The following ZNF555 variants were observed in gnomAD, a reference collection of about 807,000 sequenced individuals.
The protein encoded by ZNF555 is zinc finger protein 555.
In ZNF555, 10 loss-of-function variants were observed where a neutral mutation model predicts 14.0. That is an observed-to-expected ratio of 0.72 (90% CI 0.44 to 1.21). The LOEUF is 1.21. Among genes scored for constraint, ZNF555 ranks in the 50% most tolerant of loss-of-function variants. The probability of loss-of-function intolerance (pLI) is 0.00; values close to 1 mark genes in which losing one functional copy is unlikely to be tolerated. For synonymous variants in ZNF555, 277 were observed against 262.4 expected (o/e 1.06, Z -0.54); for missense variants, 747 against 762.0 (o/e 0.98, Z 0.23).
At chr19:2,846,981 A>G (rs901003074) in intron 1 of ZNF555, among the ~76,000 whole-genome samples, 26 of 152,278 alleles carry the variant, frequency 1.7e-4, no homozygotes, top group Non-Finnish European at 2.9e-4. Flanking sequence ...TGAACCTCCA[A>G]TAGGAAAAAT....
At position 2,841,489 on chromosome 19, in the gene ZNF555, TGCCCCGCCTGCCCCTA is replaced by T; in HGVS notation, c.-81_-66del. 1 of 1,540,452 alleles carries T rather than the reference TGCCCCGCCTGCCCCTA, an allele frequency of 6.5e-7. No homozygotes were observed. The highest frequency in any genetic ancestry group is 8.8e-7 in the Non-Finnish European group (1 of 1,141,034). ...GGGACGCCTCTGTCCTAGCCGTGAGTGCCCCGCCTGCCCCTAGCGGTCCCTGGCGTCCCGGTTCCTG... is the reference window on the plus strand; with the variant it reads ...GGGACGCCTCTGTCCTAGCCGTGAGTGCGGTCCCTGGCGTCCCGGTTCCTG... On this transcript the variant is annotated 5_prime_UTR_variant, in exon 1 of 4. Transcript: ENST00000334241.
rs2087662888 is a variant in ZNF555 at position 2,853,973 on chromosome 19, A to G, written c.*21A>G. ...TATGAGTTCCTTATCCTGAAAGTGG[A>G]CACTCAAGGAGTGTGTCTGTAGTTC... On this transcript the variant is annotated 3_prime_UTR_variant, in exon 4 of 4. Coordinates refer to ENST00000334241, the MANE Select transcript of ZNF555 (RefSeq NM_152791.5). 6.2e-7 allele frequency: 1 copy of G among 1,612,494 alleles called. No individual in the cohort carries two copies. The highest frequency in any genetic ancestry group is 8.5e-7 in the Non-Finnish European group (1 of 1,179,834).
rs2087669371 is a variant in ZNF555 at position 2,854,738 on chromosome 19, A to G, written c.*786A>G. 6.6e-6 allele frequency: 1 copy of G among 152,210 alleles called. No homozygotes were observed. The highest frequency in any genetic ancestry group is 6.5e-5 in the Admixed American group (1 of 15,274). The allele number at this position is 152,210 out of a possible 1,614,324, so 9.4% of individuals were successfully genotyped here. ...AGAGTACCATCAAAAGAAACACTTAAGTGCTTGATTTCCACTGTGTCAGAG... is the reference window on the plus strand; with the variant it reads ...AGAGTACCATCAAAAGAAACACTTAGGTGCTTGATTTCCACTGTGTCAGAG... On this transcript the variant is annotated 3_prime_UTR_variant, in exon 4 of 4. Coordinates refer to ENST00000334241, the MANE Select transcript of ZNF555 (RefSeq NM_152791.5).
At chr19:2,851,417 T>C (rs753744024) in intron 2 of ZNF555, 51 bp from the exon 3 acceptor site, 7 of 1,486,416 alleles carry the variant, frequency 4.7e-6, no homozygotes, top group Admixed American at 2.4e-5. Flanking sequence ...TCAGTGTCGT[T>C]TTCCGCTAAC....
chr19:2,849,450 C>G (rs2087609387), intron 1 of ZNF555, among the ~76,000 whole-genome samples: 2 of 149,618 alleles, frequency 1.3e-5, no homozygotes, highest in African/African-American at 4.9e-5. Flanking sequence ...CAAAGTGGGA[C>G]TCTTAACTTT....
intron 3 of ZNF555, 107 bp from the exon 4 acceptor site, chr19:2,852,273 G>C: frequency 1.5e-6 from 2 of 1,376,252 alleles, no homozygotes; most frequent in Non-Finnish European, 2.0e-6. Flanking sequence ...TTCCCATGGG[G>C]TGAAAAACCT....
In ZNF555 at chr19:2,856,964, G is replaced by A. The variant is rs186112467; in HGVS notation, c.*3012G>A. On this transcript the variant is annotated 3_prime_UTR_variant, in exon 4 of 4. Transcript: ENST00000334241. Reference sequence around the variant, plus strand: ...GAAGACATGTTTGACATCCTCAAACGAGAAAATTTTTCATGTGTTTTATAG... The same window carrying A: ...GAAGACATGTTTGACATCCTCAAACAAGAAAATTTTTCATGTGTTTTATAG... 9.2e-5 allele frequency: 14 copies of A among 152,320 alleles called. No homozygotes were observed. The highest frequency in any genetic ancestry group is 1.9e-4 in the African/African-American group (8 of 41,580). 9.4% of individuals were successfully genotyped at this position (152,320 alleles called of 1,614,324 possible).
In ZNF555 at chr19:2,853,210, C is replaced by T. The variant is rs1298310593; in HGVS notation, c.1145C>T (p.Ser382Phe). 2 of 1,613,974 alleles carry T rather than the reference C, an allele frequency of 1.2e-6. No individual in the cohort carries two copies. Among genetic ancestry groups the T allele is most frequent in the South Asian group, 1.1e-5 (1 of 91,068 alleles). Residue 382 changes from serine to phenylalanine, a missense_variant, in exon 4 of 4, where the codon TCC becomes TTC. Physicochemically the swap from Ser to Phe is radical, Grantham distance 155. Transcript: ENST00000334241. ...GGGAAGACCTTCATTTATCCCCAGT[C>T]CTTTCGAAGACATGAAAGGACTCAT... ...QCGKTFIYPQ[S>F]FRRHERTHGG...
In ZNF555 at chr19:2,855,411, C is replaced by G. The variant is rs2087675115; in HGVS notation, c.*1459C>G. Reference sequence around the variant, plus strand: ...ACTAAAAACACAAAAATTAGCCAGGCATGGTGGTGAGTACCTGTAACCCCA... The same window carrying G: ...ACTAAAAACACAAAAATTAGCCAGGGATGGTGGTGAGTACCTGTAACCCCA... On this transcript the variant is annotated 3_prime_UTR_variant, in exon 4 of 4. Transcript: ENST00000334241. 1 of 151,978 alleles carries G rather than the reference C, an allele frequency of 6.6e-6. No homozygotes were observed. The highest frequency in any genetic ancestry group is 6.6e-5 in the Admixed American group (1 of 15,238). 9.4% of individuals were successfully genotyped at this position (151,978 alleles called of 1,614,324 possible). A position where few individuals can be genotyped will look rare whatever the true frequency, so the allele number is the denominator to read the frequency against.
At chr19:2,847,668 A>G (rs536328784) in intron 1 of ZNF555, among the ~76,000 whole-genome samples, 61 of 152,338 alleles carry the variant, frequency 4.0e-4, no homozygotes, top group African/African-American at 1.5e-3. Context: ...AAAATAAAAA[A>G]TAAAGACACT....
chr19:2,850,670 C>G lies in ZNF555; in HGVS notation c.87C>G (p.Tyr29Ter). ...TGGATTCTGCTCAGAGGGACCTCTACAGAGATGTGATGCTGGAGACCTTTC... is the reference window on the plus strand; with the variant it reads ...TGGATTCTGCTCAGAGGGACCTCTAGAGAGATGTGATGCTGGAGACCTTTC... ...ALLDSAQRDL[Y>*]RDVMLETFQN... The change falls in exon 2 of 4, where the codon TAC becomes TAG. Residue 29 changes from tyrosine to a stop codon, truncating the protein, a stop_gained. Transcript: ENST00000334241. LOFTEE classifies it high-confidence loss of function. 1 of 1,613,986 alleles carries G rather than the reference C, an allele frequency of 6.2e-7. No homozygotes were observed. The highest frequency in any genetic ancestry group is 8.5e-7 in the Non-Finnish European group (1 of 1,179,898).
In ZNF555 at chr19:2,854,362, G is replaced by T. The variant is rs45592538; in HGVS notation, c.*410G>T. Reference sequence around the variant, plus strand: ...TTGTTTAAGGAGTATAGCCTCAAATGAATTGTAATTTTTAATGTTTGCCCA... The same window carrying T: ...TTGTTTAAGGAGTATAGCCTCAAATTAATTGTAATTTTTAATGTTTGCCCA... On this transcript the variant is annotated 3_prime_UTR_variant, in exon 4 of 4. Transcript: ENST00000334241. 137 of 182,216 alleles carry T rather than the reference G, an allele frequency of 7.5e-4. No individual in the cohort carries two copies. Among genetic ancestry groups the T allele is most frequent in the Non-Finnish European group, 1.4e-3 (120 of 86,310 alleles). The allele number at this position is 182,216 out of a possible 1,614,324, so 11.3% of individuals were successfully genotyped here.
rs756649263 is a variant in ZNF555 at position 2,851,609 on chromosome 19, T to G, written c.272T>G (p.Leu91Arg). Residue 91 changes from leucine to arginine, a missense_variant, in exon 3 of 4, where the codon CTT becomes CGT. By Grantham distance (102) the Leu-to-Arg change is moderately radical. Coordinates refer to ENST00000334241, the MANE Select transcript of ZNF555 (RefSeq NM_152791.5). ...GTTTTAGGAAAAATTTGGGACAGTC[T>G]TAGCATCGAAGATCAAACCACAAAC... ...ASVLGKIWDS[L>R]SIEDQTTNQG... is the part of the protein sequence containing the mutation. 34 of 1,603,928 alleles carry G rather than the reference T, an allele frequency of 2.1e-5. No individual in the cohort carries two copies. Among genetic ancestry groups the G allele is most frequent in the Non-Finnish European group, 2.7e-5 (32 of 1,177,166 alleles).
rs751344258 is a variant in ZNF555, at chr19:2,853,740, A to G, written c.1675A>G (p.Thr559Ala). ...SSLPIHMRLH[T>A]GEKPYQCKHC... The stretch of plus-strand genomic sequence containing the variant: ...TTTACCAATACATATGAGACTGCAC[A>G]CTGGAGAGAAACCTTATCAATGTAA... Residue 559 changes from threonine (T) to alanine (A), a missense_variant, in exon 4 of 4, where the codon ACT becomes GCT. Transcript: ENST00000334241. 1 of 1,596,710 alleles carries G rather than the reference A, an allele frequency of 6.3e-7. No homozygotes were observed. The highest frequency in any genetic ancestry group is 8.5e-7 in the Non-Finnish European group (1 of 1,171,640).
At chr19:2,849,977 C>T (rs1436548614) in intron 1 of ZNF555, among the ~76,000 whole-genome samples, 2 of 152,146 alleles carry the variant, frequency 1.3e-5, no homozygotes, top group Admixed American at 6.5e-5. Flanking sequence ...TGGAGGTCTA[C>T]GTTCTCGTGT....
intron 2 of ZNF555, 86 bp from the exon 3 acceptor site, chr19:2,851,382 T>C (rs2087628737): frequency 1.8e-6 from 2 of 1,088,200 alleles, no homozygotes; most frequent in Non-Finnish European, 2.6e-6. Flanking sequence ...TTGTGTTTAA[T>C]GAAGTCCTGA....
chr19:2,852,920 A>G lies in ZNF555; in HGVS notation c.855A>G (p.Lys285=), dbSNP rs1891558552. Residue 285 remains lysine (K), a synonymous_variant, in exon 4 of 4, where the codon AAA becomes AAG. Transcript: ENST00000334241. The part of the protein sequence containing the change: ...TITHTGEKPY[K]CKECAEAFSY... ...CACACACTGGCGAGAAGCCATATAA[A>G]TGTAAGGAATGTGCGGAAGCCTTTA... 6.2e-7 allele frequency: 1 copy of G among 1,614,214 alleles called. No homozygotes were observed. Among genetic ancestry groups the G allele is most frequent in the East Asian group, 2.2e-5 (1 of 44,888 alleles).
Position 2,852,910 on chromosome 19 carries a change from A to C in ZNF555, c.845A>C (p.Lys282Thr). The change falls in exon 4 of 4, where the codon AAG becomes ACG. Residue 282 changes from lysine to threonine, a missense_variant. Lys to Thr is a moderately conservative substitution (Grantham distance 78). Coordinates refer to ENST00000334241, the MANE Select transcript of ZNF555 (RefSeq NM_152791.5). ...RRHTITHTGE[K>T]PYKCKECAEA... ...CACACAATAACACACACTGGCGAGA[A>C]GCCATATAAATGTAAGGAATGTGCG... 6.2e-7 allele frequency: 1 copy of C among 1,614,246 alleles called. No individual in the cohort carries two copies. Among genetic ancestry groups the C allele is most frequent in the Non-Finnish European group, 8.5e-7 (1 of 1,180,044 alleles).
At position 2,842,402 on chromosome 19, in the gene ZNF555, C is replaced by G. The variant is rs1230885353; in HGVS notation, c.3+827C>G. 2.0e-5 allele frequency among the ~76,000 whole-genome samples: 3 copies of G among 152,194 alleles called. No homozygotes were observed. In the East Asian group the frequency reaches 5.8e-4, roughly 29 times the overall value. ...GGAGAGCGAGGACCCCAAAAGCAAA[C>G]GCACGCAGACCCACAGCGGGGACGC... is the stretch of plus-strand genomic sequence containing the variant. On this transcript the variant is annotated intron_variant, in intron 1 of 3. Coordinates refer to ENST00000334241, the MANE Select transcript of ZNF555 (RefSeq NM_152791.5).
Sources: allele counts gnomAD v4.1 joint callset (sites outside exome capture counted in the v4.1 genomes callset), GRCh38; gene constraint gnomAD v4.1.1; transcripts MANE v1.5; gene names NCBI Gene and HGNC (gene_info 2026-07-23, HGNC 2026-07-21).